RUNX1T1: variants seen among roughly 807,000 people sequenced by gnomAD.
RUNX1T1 encodes RUNX1 partner transcriptional co-repressor 1, also known as protein CBFA2T1.
A neutral mutation model predicts 62.8 loss-of-function variants in RUNX1T1; 4 were observed. The observed-to-expected ratio is 0.06, with a 90% CI of 0.03 to 0.15. The LOEUF is 0.15. Ranked by LOEUF, RUNX1T1 falls within the 10% of genes least tolerant of loss-of-function variation. The probability of loss-of-function intolerance (pLI) is 1.00; values close to 1 mark genes in which losing one functional copy is unlikely to be tolerated. For synonymous variants in RUNX1T1, 291 were observed against 286.0 expected, an observed-to-expected ratio of 1.02 and a Z score of -0.18; for missense variants, 508 against 754.3, an observed-to-expected ratio of 0.67 and a Z score of 3.82.
At chr8:91,973,097 AAAT>A (rs1425724458) in intron 9 of RUNX1T1, among the ~76,000 whole-genome samples, 1 of 152,010 alleles carries the variant, frequency 6.6e-6, no homozygotes, top group Non-Finnish European at 1.5e-5. Flanking sequence ...TCTGTAGATT[AAAT>A]AATAGTCTTC....
At chr8:92,034,779 CATAT>C (rs199626340) in intron 1 of RUNX1T1, among the ~76,000 whole-genome samples, 2 of 126,034 alleles carry the variant, frequency 1.6e-5, no homozygotes, top group African/African-American at 2.9e-5. Flanking sequence ...TATATATACA[CATAT>C]ATATATACAT....
intron 1 of RUNX1T1, among the ~76,000 whole-genome samples, chr8:92,044,103 G>A (rs943238818): frequency 2.0e-5 from 3 of 151,788 alleles, no homozygotes; most frequent in Non-Finnish European, 4.4e-5. Context: ...CAGCATAGAT[G>A]TATGGATAGA....
At chr8:92,067,117 T>C (rs4623481), upstream of RUNX1T1, among the ~76,000 whole-genome samples, 1 of 151,994 alleles carries the variant, frequency 6.6e-6, no homozygotes, top group Admixed American at 6.6e-5. Context: ...AGGTTAAAGG[T>C]TTATTTAGGG....
intron 1 of RUNX1T1, among the ~76,000 whole-genome samples, chr8:92,059,257 TGTCAGTGAATG>T (rs1223993797): frequency 3.9e-5 from 6 of 152,110 alleles, no homozygotes; most frequent in Non-Finnish European, 8.8e-5. Context: ...TAAAATAGAG[TGTCAGTGAATG>T]GACTGCTGTG....
intron 1 of RUNX1T1, among the ~76,000 whole-genome samples, chr8:92,031,548 T>A (rs963268348): frequency 4.6e-5 from 7 of 152,184 alleles, no homozygotes; most frequent in African/African-American, 1.7e-4. Context: ...CATAGCTCAC[T>A]GCAGCCTTGA....
rs2130393159 is a variant in RUNX1T1 at position 91,959,472 on chromosome 8, GTGCGTGTGTGTGTGTGTATATATA to G, written c.*746_*769del. On this transcript the variant is annotated 3_prime_UTR_variant, in exon 11 of 11. Transcript: ENST00000396218. Reference sequence around the variant, plus strand: ...TGTGTGTGTGTGTGTGTGTGTATATGTGCGTGTGTGTGTGTGTATATATATATATATATATATATATATGGAGCC... The same window carrying G: ...TGTGTGTGTGTGTGTGTGTGTATATGTATATATATATATATATATGGAGCC... 3.3e-4 allele frequency: 14 copies of G among 42,662 alleles called. No individual in the cohort carries two copies. The East Asian group carries it at 4.3e-3, about 13-fold the overall frequency. The allele number at this position is 42,662 out of a possible 1,614,324, so 2.6% of individuals were successfully genotyped here.
intron 10 of RUNX1T1, among the ~76,000 whole-genome samples, chr8:91,963,536 T>C (rs192809013): frequency 2.2e-4 from 33 of 152,218 alleles, no homozygotes; most frequent in Non-Finnish European, 3.7e-4. Context: ...TACTGTTGGC[T>C]AATCCATACC....
intron 1 of RUNX1T1, among the ~76,000 whole-genome samples, chr8:92,079,050 A>C (rs912635144): frequency 6.6e-6 from 1 of 152,228 alleles, no homozygotes; most frequent in African/African-American, 2.4e-5. Context: ...GTATTTCTCA[A>C]TCACTGCCAG....
rs149437398 is a variant in RUNX1T1, at chr8:92,024,751, G to A, written c.8-7388C>T. Among the ~76,000 whole-genome samples, 902 of 151,930 alleles carry A rather than the reference G, an allele frequency of 5.9e-3. 9 individuals carry two copies. Among genetic ancestry groups the A allele is most frequent in the African/African-American group, 0.021 (860 of 41,422 alleles). ...CGCTTCTCCTTTTCAGTCTCTTAAG[G>A]GCTCCTCTTTTTCCTGCTCTGTGAT... On this transcript the variant is annotated intron_variant, in intron 1 of 10. Transcript: ENST00000396218.
At chr8:92,054,165 T>A (rs1830655063) in intron 1 of RUNX1T1, among the ~76,000 whole-genome samples, 1 of 151,968 alleles carries the variant, frequency 6.6e-6, no homozygotes, top group Non-Finnish European at 1.5e-5. Context: ...GGCTCTCACT[T>A]AAGCATGTGT....
intron 1 of RUNX1T1, among the ~76,000 whole-genome samples, chr8:92,091,620 T>C (rs1015221879): frequency 2.6e-5 from 4 of 152,168 alleles, no homozygotes; most frequent in African/African-American, 9.7e-5. Flanking sequence ...AATAAACTTT[T>C]TGTACACTGA....
chr8:92,011,582 C>A (rs2131100397), intron 3 of RUNX1T1, among the ~76,000 whole-genome samples: 1 of 152,306 alleles, frequency 6.6e-6, no homozygotes, highest in South Asian at 2.1e-4. Flanking sequence ...CTTTCTTTGT[C>A]TGCCAAAGCA....
At chr8:91,982,699 C>T (rs73696992) in intron 8 of RUNX1T1, among the ~76,000 whole-genome samples, 3,920 of 152,144 alleles carry the variant, frequency 0.026, 164 homozygotes, top group African/African-American at 0.089. Context: ...GAGTTGGATA[C>T]TTGGAGTTTT....
intron 5 of RUNX1T1, among the ~76,000 whole-genome samples, chr8:92,000,486 C>T (rs1182324984): frequency 6.6e-6 from 1 of 151,772 alleles, no homozygotes; most frequent in African/African-American, 2.4e-5. Context: ...CATAGAAAAC[C>T]GAATGCAGGT....
chr8:91,962,207 C>T (rs373376548), intron 10 of RUNX1T1, among the ~76,000 whole-genome samples: 9 of 152,182 alleles, frequency 5.9e-5, no homozygotes, highest in African/African-American at 1.9e-4. Flanking sequence ...CCCAGCTCCA[C>T]GTTCTTATTT....
At chr8:91,963,369 A>G (rs1329987462) in intron 10 of RUNX1T1, among the ~76,000 whole-genome samples, 1 of 152,228 alleles carries the variant, frequency 6.6e-6, no homozygotes, top group African/African-American at 2.4e-5. Context: ...GCAAATTTTT[A>G]TTTCTCTTGA....
chr8:91,993,475 G>A (rs1256858958), intron 5 of RUNX1T1, among the ~76,000 whole-genome samples: 2 of 151,994 alleles, frequency 1.3e-5, no homozygotes, highest in African/African-American at 4.8e-5. Context: ...ATTATGGAGC[G>A]GGCAGGGGAC....
intron 3 of RUNX1T1, among the ~76,000 whole-genome samples, chr8:92,012,329 A>G: frequency 6.6e-6 from 1 of 152,128 alleles, no homozygotes; most frequent in East Asian, 1.9e-4. Context: ...GTGTCACTTG[A>G]GCCCAGGAGT....
intron 1 of RUNX1T1, among the ~76,000 whole-genome samples, chr8:92,050,645 C>T (rs1450940384): frequency 1.3e-5 from 2 of 152,186 alleles, no homozygotes; most frequent in Non-Finnish European, 2.9e-5. Context: ...TTTTACTGAT[C>T]TTAAAACTCA....
Sources: gnomAD v4.1 joint callset for allele counts (sites outside exome capture counted in the v4.1 genomes callset) on GRCh38, gnomAD v4.1.1 for gene constraint, MANE v1.5 for transcripts, NCBI Gene and HGNC (gene_info 2026-07-23, HGNC 2026-07-21) for gene names.